NTM: variants seen among roughly 807,000 people sequenced by gnomAD.
NTM encodes the protein IgLON family member 2.
NTM carries 13 observed loss-of-function variants against 42.1 expected under a neutral mutation model. The observed-to-expected ratio is 0.31, with a 90% confidence interval of 0.20 to 0.49. The LOEUF is 0.49. NTM is among the 20% of genes least tolerant of loss of function. The pLI is 0.99. For synonymous variants in NTM, 187 were observed against 179.2 expected, an observed-to-expected ratio of 1.04 and a Z score of -0.35; for missense variants, 373 against 452.8, an observed-to-expected ratio of 0.82 and a Z score of 1.60.
intron 1 of NTM, among the ~76,000 whole-genome samples, chr11:131,668,926 C>T (rs1160607416): frequency 6.6e-6 from 1 of 152,194 alleles, no homozygotes; most frequent in East Asian, 1.9e-4. Context: ...TAAAGTAAGG[C>T]TCAGTGAGAA....
chr11:131,959,604 C>A (rs1234482760), intron 2 of NTM, among the ~76,000 whole-genome samples: 1 of 152,170 alleles, frequency 6.6e-6, no homozygotes, highest in Non-Finnish European at 1.5e-5. Context: ...CCACTGCACT[C>A]CAGCCTGAGT....
intron 1 of NTM, among the ~76,000 whole-genome samples, chr11:131,549,426 A>C (rs554665984): frequency 1.2e-4 from 19 of 152,280 alleles, no homozygotes; most frequent in South Asian, 6.2e-4. Context: ...AAAATTAAAA[A>C]TTTTTTAGAC....
chr11:132,294,107 C>T (rs921761142), intron 4 of NTM, among the ~76,000 whole-genome samples: 12 of 152,108 alleles, frequency 7.9e-5, no homozygotes, highest in East Asian at 5.8e-4. Flanking sequence ...TAACACCTCC[C>T]GAAGGTGTCA....
chr11:131,773,238 G>A (rs1227882032), intron 1 of NTM, among the ~76,000 whole-genome samples: 5 of 152,186 alleles, frequency 3.3e-5, no homozygotes, highest in African/African-American at 9.6e-5. Context: ...CTCACATGGT[G>A]TAAGGGATGG....
At chr11:131,572,779 C>T (rs1046548083) in intron 1 of NTM, among the ~76,000 whole-genome samples, 12 of 152,196 alleles carry the variant, frequency 7.9e-5, no homozygotes, top group African/African-American at 2.9e-4. Context: ...TAAGCTGCTG[C>T]AGAGCCCAAT....
In NTM at chr11:131,601,352, C is replaced by T. The variant is rs539094197; in HGVS notation, c.82+230464C>T. Among the ~76,000 whole-genome samples, 9 of 152,360 alleles carry T rather than the reference C, an allele frequency of 5.9e-5. No homozygotes were observed. The South Asian group carries it at 1.7e-3, about 28-fold the overall frequency. On this transcript the variant is annotated intron_variant, in intron 1 of 8. Transcript: ENST00000683400. ...AACTGCATAAGTTTGGCAGAGTCAT[C>T]TGACCTCTCTGGGTCTCTCTGCATT... is the stretch of plus-strand genomic sequence containing the variant.
intron 1 of NTM, among the ~76,000 whole-genome samples, chr11:131,776,779 G>A (rs540931049): frequency 6.6e-6 from 1 of 152,282 alleles, no homozygotes; most frequent in African/African-American, 2.4e-5. Flanking sequence ...GTGTCACAGG[G>A]ATCCAGGTTC....
chr11:131,734,322 A>T (rs947816475), intron 1 of NTM, among the ~76,000 whole-genome samples: 3 of 152,154 alleles, frequency 2.0e-5, no homozygotes, highest in African/African-American at 7.2e-5. Flanking sequence ...TGATGGGGCC[A>T]CTGTGAGATC....
chr11:131,420,702 T>C (rs77074685), intron 1 of NTM, among the ~76,000 whole-genome samples: 1,628 of 152,278 alleles, frequency 0.011, 23 homozygotes, highest in African/African-American at 0.037. Context: ...ATTGAGGGAA[T>C]TCAAGGCTTG....
chr11:131,568,854 C>T (rs2057158349), intron 1 of NTM, among the ~76,000 whole-genome samples: 1 of 152,152 alleles, frequency 6.6e-6, no homozygotes, highest in South Asian at 2.1e-4. Flanking sequence ...CTGAGCTTGG[C>T]CCAGCTGTAT....
intron 1 of NTM, among the ~76,000 whole-genome samples, chr11:131,416,545 C>T (rs1413709395): frequency 6.6e-6 from 1 of 152,116 alleles, no homozygotes; most frequent in Non-Finnish European, 1.5e-5. Flanking sequence ...GCTTGGGGAG[C>T]CAACTAGACT....
chr11:131,598,540 T>G (rs145852346), intron 1 of NTM, among the ~76,000 whole-genome samples: 31 of 152,194 alleles, frequency 2.0e-4, no homozygotes, highest in Admixed American at 7.8e-4. Flanking sequence ...ATGTGTGCAC[T>G]CGGGGCGGAG....
At position 132,312,848 on chromosome 11, in the gene NTM, T is replaced by C. The variant is rs538333241; in HGVS notation, c.783-1704T>C. ...ACATAGCAAGCTGGAAATGTAAAAGTGGCCTGTGGCTGCACAGCCGGATGC... is the reference window on the plus strand; with the variant it reads ...ACATAGCAAGCTGGAAATGTAAAAGCGGCCTGTGGCTGCACAGCCGGATGC... On this transcript the variant is annotated intron_variant, in intron 6 of 8. Transcript: ENST00000683400. 5 of 153,966 alleles carry C rather than the reference T, an allele frequency of 3.2e-5. No homozygotes were observed. In the East Asian group the frequency reaches 9.6e-4, roughly 30 times the overall value. 9.5% of individuals were successfully genotyped at this position (153,966 alleles called of 1,614,324 possible).
At chr11:131,455,665 T>C (rs1046764413) in intron 1 of NTM, among the ~76,000 whole-genome samples, 1 of 152,050 alleles carries the variant, frequency 6.6e-6, no homozygotes, top group South Asian at 2.1e-4. Context: ...GACAGAGGAA[T>C]TGTATTATAC....
intron 2 of NTM, among the ~76,000 whole-genome samples, chr11:132,027,065 A>G (rs953335991): frequency 2.0e-5 from 3 of 152,214 alleles, no homozygotes; most frequent in African/African-American, 4.8e-5. Context: ...GAATTATCCC[A>G]ATTTAGTACA....
At chr11:131,541,371 C>G (rs899193717) in intron 1 of NTM, among the ~76,000 whole-genome samples, 2 of 152,186 alleles carry the variant, frequency 1.3e-5, no homozygotes, top group Non-Finnish European at 2.9e-5. Flanking sequence ...TTCCTGGATG[C>G]CCTTCTTGGT....
chr11:131,590,118 C>T (rs1489773785), intron 1 of NTM, among the ~76,000 whole-genome samples: 2 of 152,312 alleles, frequency 1.3e-5, no homozygotes, highest in East Asian at 1.9e-4. Flanking sequence ...ACCCAGCCCT[C>T]GACCTTGCTG....
chr11:131,814,766 C>T (rs934901791), intron 1 of NTM, among the ~76,000 whole-genome samples: 3 of 152,200 alleles, frequency 2.0e-5, no homozygotes, highest in Non-Finnish European at 2.9e-5. Flanking sequence ...TAATCCACCA[C>T]CTCTGCAGCT....
chr11:132,185,867 A>G (rs1341398085), intron 3 of NTM, among the ~76,000 whole-genome samples: 1 of 152,092 alleles, frequency 6.6e-6, no homozygotes, highest in African/African-American at 2.4e-5. Flanking sequence ...CGGATTCTTT[A>G]ACGTTGACCC....
Sources: allele counts gnomAD v4.1 joint callset (sites outside exome capture counted in the v4.1 genomes callset), GRCh38; gene constraint gnomAD v4.1.1; transcripts MANE v1.5; gene names NCBI Gene and HGNC (gene_info 2026-07-23, HGNC 2026-07-21).